The following ZNF786 variants were observed in gnomAD, a reference collection of about 807,000 sequenced individuals.
ZNF786 encodes the protein zinc finger protein 786.
ZNF786 carries 56 observed loss-of-function variants against 63.1 expected under a neutral mutation model. The observed-to-expected ratio is 0.89, with a 90% CI of 0.72 to 1.11. The LOEUF (loss-of-function observed/expected upper bound fraction) is 1.11, where lower values mean the gene tolerates loss of function less well. Ranked by LOEUF, ZNF786 falls within the 50% of genes least tolerant of loss-of-function variation. ZNF786 has a pLI of 0.00. For missense variants in ZNF786, 1,213 were observed against 1,041.8 expected (o/e 1.16, Z -2.26); for synonymous variants, 485 against 406.9 (o/e 1.19, Z -2.31).
In ZNF786 at chr7:149,073,724, C is replaced by CGCGT. The variant is rs1554452308; in HGVS notation, c.298+661_298+662insACGC. 7.4e-5 allele frequency among the ~76,000 whole-genome samples: 5 copies of CGCGT among 67,904 alleles called. No homozygotes were observed. The East Asian group carries it at 3.4e-3, about 47-fold the overall frequency. 44.5% of individuals were successfully genotyped at this position (67,904 alleles called of 152,430 possible). A position where few individuals can be genotyped will look rare whatever the true frequency, so the allele number is the denominator to read the frequency against. ...ATACACGTGTGTGTGTATATGTGTG[C>CGCGT]GTGTGTGTGTGTGTGTGTGTGTGTA... On this transcript the variant is annotated intron_variant, in intron 3 of 3. Transcript: ENST00000491431.
chr7:149,071,735 A>G lies in ZNF786; in HGVS notation c.1037T>C (p.Leu346Pro). 6.3e-7 allele frequency: 1 copy of G among 1,585,878 alleles called. No individual in the cohort carries two copies. Among genetic ancestry groups the G allele is most frequent in the Non-Finnish European group, 8.5e-7 (1 of 1,173,834 alleles). Residue 346 changes from leucine to proline, a missense_variant, in exon 4 of 4, where the codon CTG becomes CCG. By Grantham distance (98) the Leu-to-Pro change is moderately conservative (BLOSUM62 -3). Coordinates refer to ENST00000491431, the MANE Select transcript of ZNF786 (RefSeq NM_152411.4). Reference sequence around the variant, plus strand: ...CTGGTGGCTGTTCCCCTCCTGGGGCAGGCGCGAGCCTGGTTTCTGTCCCGA... The same window carrying G: ...CTGGTGGCTGTTCCCCTCCTGGGGCGGGCGCGAGCCTGGTTTCTGTCCCGA... ...VHSGQKPGSRLPQEGNSHQEG... is the reference protein window; with the variant it reads ...VHSGQKPGSRPPQEGNSHQEG...
At chr7:149,088,357 T>C (rs1275065264) in intron 1 of ZNF786, among the ~76,000 whole-genome samples, 1 of 152,178 alleles carries the variant, frequency 6.6e-6, no homozygotes, top group Non-Finnish European at 1.5e-5. Context: ...TTATTACTCA[T>C]TAAAGTGCAT....
Position 149,071,068 on chromosome 7 carries a change from C to T in ZNF786, c.1704G>A (p.Gly568=), listed in dbSNP as rs778797233. 1.2e-6 allele frequency: 2 copies of T among 1,611,914 alleles called. No homozygotes were observed. The highest frequency in any genetic ancestry group is 1.7e-5 in the Admixed American group (1 of 59,914). The change falls in exon 4 of 4, where the codon GGG becomes GGA. Residue 568 remains glycine (G), a synonymous_variant. Coordinates refer to ENST00000491431, the MANE Select transcript of ZNF786 (RefSeq NM_152411.4). ...GTCTGGTGAAGCCCTTGCCACACTC[C>T]CCGCACGAGAACGGCCTCTCCTTGC... ...THSKERPFSC[G]ECGKGFTRQS... is the part of the protein sequence containing the mutation.
chr7:149,077,020 ACAATAGAGTAGGAATGTT>A (rs1477806705), intron 2 of ZNF786, among the ~76,000 whole-genome samples: 2 of 152,208 alleles, frequency 1.3e-5, no homozygotes, highest in Non-Finnish European at 2.9e-5. Flanking sequence ...ATGCTGATTG[ACAATAGAGTAGGAATGTT>A]CACTTTGCTT....
chr7:149,089,216 T>A (rs1381843150), intron 1 of ZNF786, among the ~76,000 whole-genome samples: 1 of 152,236 alleles, frequency 6.6e-6, no homozygotes, highest in Non-Finnish European at 1.5e-5. Context: ...CCTCCCAAAG[T>A]GCTGGGATTA....
intron 1 of ZNF786, among the ~76,000 whole-genome samples, chr7:149,088,065 C>T (rs913438178): frequency 1.3e-5 from 2 of 150,278 alleles, no homozygotes; most frequent in Non-Finnish European, 2.9e-5. Context: ...TGCATTGACA[C>T]GATCTCAGCT....
chr7:149,071,884 G>A lies in ZNF786; in HGVS notation c.888C>T (p.Ala296=), dbSNP rs781280205. 6.2e-7 allele frequency: 1 copy of A among 1,603,000 alleles called. No homozygotes were observed. The highest frequency in any genetic ancestry group is 8.5e-7 in the Non-Finnish European group (1 of 1,176,780). Reference sequence around the variant, plus strand: ...AGCGCTTGCCGCATGGGGTGCACTGGGCAGGCTTCTCCCCCTGCTGCGGGA... The same window carrying A: ...AGCGCTTGCCGCATGGGGTGCACTGAGCAGGCTTCTCCCCCTGCTGCGGGA... ...HRLPQQGEKP[A]QCTPCGKRSL... Residue 296 remains alanine (A), a synonymous_variant, in exon 4 of 4, where the codon GCC becomes GCT. Transcript: ENST00000491431.
In ZNF786 at chr7:149,071,505, T is replaced by C; in HGVS notation, c.1267A>G (p.Arg423Gly). The change falls in exon 4 of 4, where the codon AGA becomes GGA. Residue 423 changes from arginine (R) to glycine (G), a missense_variant. Coordinates refer to ENST00000491431, the MANE Select transcript of ZNF786 (RefSeq NM_152411.4). Reference sequence around the variant, plus strand: ...CCACACTTCCTGCAGGAGAACGGTCTCTCCCCACCGTGCGCGTGCTGGTGG... The same window carrying C: ...CCACACTTCCTGCAGGAGAACGGTCCCTCCCCACCGTGCGCGTGCTGGTGG... ...QVHQHAHGGE[R>G]PFSCRKCGKG... The C allele has an allele frequency of 6.2e-7, 1 of 1,613,202 alleles. No individual in the cohort carries two copies. The highest frequency in any genetic ancestry group is 8.5e-7 in the Non-Finnish European group (1 of 1,179,844).
At position 149,070,250 on chromosome 7, in the gene ZNF786, G is replaced by T; in HGVS notation, c.*173C>A. 4 of 781,146 alleles carry T rather than the reference G, an allele frequency of 5.1e-6. No homozygotes were observed. The highest frequency in any genetic ancestry group is 8.0e-6 in the Non-Finnish European group (4 of 502,520). The allele number at this position is 781,146 out of a possible 1,614,324, so 48.4% of individuals were successfully genotyped here. A position where few individuals can be genotyped will look rare whatever the true frequency, so the allele number is the denominator to read the frequency against. On this transcript the variant is annotated 3_prime_UTR_variant, in exon 4 of 4. Transcript: ENST00000491431. The stretch of plus-strand genomic sequence containing the variant: ...AAAAGAAAGAAATATAATTGGTGAT[G>T]CTTCTGAAGAGAAAATCCTTTGTGG...
At chr7:149,073,124 T>C (rs1168180900) in intron 3 of ZNF786, among the ~76,000 whole-genome samples, 1 of 152,214 alleles carries the variant, frequency 6.6e-6, no homozygotes, top group East Asian at 1.9e-4. Flanking sequence ...AGAAGGTTTC[T>C]TGGAATAATT....
At chr7:149,086,627 C>CACAT (rs199857298) in intron 1 of ZNF786, among the ~76,000 whole-genome samples, 2,497 of 18,124 alleles carry the variant, frequency 0.14, 72 homozygotes, top group African/African-American at 0.21. Context: ...CACTCTGTCT[C>CACAT]ACACACACAC....
At chr7:149,085,150 T>C (rs1756475153) in intron 1 of ZNF786, among the ~76,000 whole-genome samples, 1 of 152,212 alleles carries the variant, frequency 6.6e-6, no homozygotes, top group African/African-American at 2.4e-5. Context: ...CATTGGTCTA[T>C]ATGTCTGTTT....
At chr7:149,081,151 T>C (rs976907136) in intron 1 of ZNF786, 3 of 456,268 alleles carry the variant, frequency 6.6e-6, no homozygotes, top group African/African-American at 6.0e-5. Flanking sequence ...TAAATTACAG[T>C]ATTCAGCCAG....
chr7:149,084,301 C>T (rs1217449729), intron 1 of ZNF786, among the ~76,000 whole-genome samples: 1 of 149,056 alleles, frequency 6.7e-6, no homozygotes, highest in Admixed American at 6.7e-5. Flanking sequence ...GGCAGAGGTT[C>T]CAGTGAGCTG....
rs747083482 is a variant in ZNF786, at chr7:149,071,738, C to A, written c.1034G>T (p.Arg345Leu). 1 of 1,585,922 alleles carries A rather than the reference C, an allele frequency of 6.3e-7. No individual in the cohort carries two copies. The highest frequency in any genetic ancestry group is 8.5e-7 in the Non-Finnish European group (1 of 1,173,788). ...GTGGCTGTTCCCCTCCTGGGGCAGG[C>A]GCGAGCCTGGTTTCTGTCCCGAGTG... ...SVHSGQKPGS[R>L]LPQEGNSHQE... The change falls in exon 4 of 4, where the codon CGC becomes CTC. Residue 345 changes from arginine (R) to leucine (L), a missense_variant. Coordinates refer to ENST00000491431, the MANE Select transcript of ZNF786 (RefSeq NM_152411.4).
chr7:149,073,757 A>G (rs1236036463), intron 3 of ZNF786, among the ~76,000 whole-genome samples: 9,520 of 82,860 alleles, frequency 0.11, 550 homozygotes, highest in Non-Finnish European at 0.16. Context: ...GTATATATAT[A>G]TATATATATA....
rs780995706 is a variant in ZNF786 at position 149,071,629 on chromosome 7, G to A, written c.1143C>T (p.Ser381=). The change falls in exon 4 of 4, where the codon AGC becomes AGT. Residue 381 remains serine, a synonymous_variant. Coordinates refer to ENST00000491431, the MANE Select transcript of ZNF786 (RefSeq NM_152411.4). ...CCCTGCAGGGGCTGGCGAGCCTGGC[G>A]CTCATAGGGGAGCGCTCGCCACACT... The part of the protein sequence containing the change: ...CSECGERSPM[S]ARLASPCRAH... The A allele has an allele frequency of 2.5e-6, 4 of 1,584,184 alleles. No homozygotes were observed. Among genetic ancestry groups the A allele is most frequent in the African/African-American group, 1.3e-5 (1 of 74,506 alleles).
chr7:149,089,771 T>G (rs928413627), intron 1 of ZNF786, among the ~76,000 whole-genome samples: 2 of 152,054 alleles, frequency 1.3e-5, no homozygotes, highest in Non-Finnish European at 2.9e-5. Flanking sequence ...TGGAGTGCAA[T>G]GGTGCAGTCT....
rs1432858204 is a variant in ZNF786 at position 149,070,072 on chromosome 7, C to T, written c.*351G>A. The T allele has an allele frequency of 5.1e-6, 1 of 197,068 alleles. No homozygotes were observed. Among genetic ancestry groups the T allele is most frequent in the African/African-American group, 2.4e-5 (1 of 42,460 alleles). The allele number at this position is 197,068 out of a possible 1,614,324, so 12.2% of individuals were successfully genotyped here. On this transcript the variant is annotated 3_prime_UTR_variant, in exon 4 of 4. Coordinates refer to ENST00000491431, the MANE Select transcript of ZNF786 (RefSeq NM_152411.4). ...TAAAAATGTTAACAATCACATATAA[C>T]CTCGTAGAAATTGTTTTCGTTTGCA... is the stretch of plus-strand genomic sequence containing the variant.
Sources: allele counts gnomAD v4.1 joint callset (sites outside exome capture counted in the v4.1 genomes callset), GRCh38; gene constraint gnomAD v4.1.1; transcripts MANE v1.5; gene names NCBI Gene and HGNC (gene_info 2026-07-23, HGNC 2026-07-21).